The following IPO7 variants were observed in gnomAD, a reference collection of about 807,000 sequenced individuals.
IPO7 encodes the protein importin-7.
IPO7 carries 13 observed loss-of-function variants against 136.4 expected under a neutral mutation model. The observed-to-expected ratio is 0.10, with a 90% CI of 0.06 to 0.15. IPO7 has a LOEUF of 0.15. Among genes scored for constraint, IPO7 ranks in the 10% least tolerant of loss-of-function variants. The probability of loss-of-function intolerance (pLI) is 1.00; values close to 1 mark genes in which losing one functional copy is unlikely to be tolerated. For missense variants in IPO7, 857 were observed against 1,240.6 expected (o/e 0.69, Z 4.65); for synonymous variants, 403 against 404.4 (o/e 1.00, Z 0.04).
chr11:9,392,445 G>A (rs1273404999), intron 1 of IPO7: 1 of 183,172 alleles, frequency 5.5e-6, no homozygotes, highest in Non-Finnish European at 1.2e-5. Context: ...TGGGATTACA[G>A]GTGTGAGCCA....
chr11:9,397,341 A>AAAAAAAATATATATATATATAT, intron 1 of IPO7, among the ~76,000 whole-genome samples: 5 of 10,762 alleles, frequency 4.6e-4, no homozygotes, highest in Non-Finnish European at 5.5e-4. Flanking sequence ...TTTAAAAAAA[A>AAAAAAAATATATATATATATAT]ATATATATAT....
chr11:9,399,323 G>A (rs1304012863), intron 1 of IPO7, among the ~76,000 whole-genome samples: 2 of 151,926 alleles, frequency 1.3e-5, no homozygotes, highest in Non-Finnish European at 2.9e-5. Flanking sequence ...CCACCACCCC[G>A]GCTAATTTTG....
At chr11:9,390,258 C>G (rs1226753099) in intron 1 of IPO7, among the ~76,000 whole-genome samples, 1 of 150,542 alleles carries the variant, frequency 6.6e-6, no homozygotes, top group East Asian at 1.9e-4. Context: ...AGTGATCTTG[C>G]TTTTGGTAAG....
intron 9 of IPO7, 37 bp downstream of exon 9, chr11:9,423,177 A>T (rs762714733): frequency 7.3e-7 from 1 of 1,374,972 alleles, no homozygotes; most frequent in Admixed American, 2.1e-5. Context: ...TATAGTAAAT[A>T]TAATAGAAAT....
At chr11:9,424,861 G>C (rs1855181892) in intron 10 of IPO7, 53 bp from the exon 11 acceptor site, 2 of 1,109,872 alleles carry the variant, frequency 1.8e-6, no homozygotes, top group Non-Finnish European at 2.7e-6. Context: ...GTTTTTTAAT[G>C]CTTTGTTGAA....
At chr11:9,421,938 C>T (rs1054612552) in intron 8 of IPO7, among the ~76,000 whole-genome samples, 5 of 150,938 alleles carry the variant, frequency 3.3e-5, no homozygotes, top group Non-Finnish European at 5.9e-5. Flanking sequence ...AGCAAGACTC[C>T]GTCTCAAAAA....
intron 2 of IPO7, among the ~76,000 whole-genome samples, chr11:9,404,862 G>A (rs754338212): frequency 3.9e-5 from 6 of 152,020 alleles, no homozygotes; most frequent in Non-Finnish European, 5.9e-5. Flanking sequence ...CACCGCGCCC[G>A]GCCTTCAGAT....
intron 2 of IPO7, 54 bp downstream of exon 2, chr11:9,403,425 T>C (rs1854830021): frequency 6.6e-6 from 9 of 1,364,212 alleles, no homozygotes; most frequent in Non-Finnish European, 9.3e-6. Flanking sequence ...AAAAGGTTCA[T>C]AATCGAATAG....
intron 1 of IPO7, among the ~76,000 whole-genome samples, chr11:9,395,231 A>T (rs1045840804): frequency 1.3e-5 from 2 of 151,962 alleles, no homozygotes; most frequent in Non-Finnish European, 2.9e-5. Flanking sequence ...AATTAAGCTT[A>T]TTTTATTTTT....
intron 23 of IPO7, among the ~76,000 whole-genome samples, chr11:9,441,035 C>G (rs1311205755): frequency 1.3e-5 from 2 of 152,142 alleles, no homozygotes; most frequent in African/African-American, 2.4e-5. Flanking sequence ...CTGCCCAAAC[C>G]TATACTTAAC....
intron 1 of IPO7, among the ~76,000 whole-genome samples, chr11:9,394,952 T>G (rs1854688088): frequency 6.6e-6 from 1 of 152,206 alleles, no homozygotes; most frequent in Non-Finnish European, 1.5e-5. Context: ...ACTAGAGTAT[T>G]AGGAGTTTTA....
intron 16 of IPO7, among the ~76,000 whole-genome samples, 198 bp downstream of exon 16, chr11:9,431,201 C>A (rs1234799438): frequency 6.6e-6 from 1 of 152,074 alleles, no homozygotes; most frequent in Admixed American, 6.5e-5. Context: ...CATCTTAGGG[C>A]TCAGGATTTT....
intron 5 of IPO7, chr11:9,414,718 C>T (rs991984677): frequency 2.0e-4 from 32 of 156,282 alleles, no homozygotes; most frequent in Non-Finnish European, 2.9e-4. Flanking sequence ...CTCTGCCTCC[C>T]GGTTTCAAGC....
At chr11:9,439,255 A>G (rs910408681) in intron 22 of IPO7, among the ~76,000 whole-genome samples, 3 of 152,082 alleles carry the variant, frequency 2.0e-5, no homozygotes, top group Non-Finnish European at 4.4e-5. Flanking sequence ...AGCTGGGATT[A>G]TAGGCACGTG....
intron 4 of IPO7, among the ~76,000 whole-genome samples, chr11:9,412,889 A>ATTTT (rs1163764184): frequency 7.1e-5 from 9 of 126,344 alleles, no homozygotes; most frequent in East Asian, 2.2e-4. Flanking sequence ...TGATTGATTG[A>ATTTT]TTTTTTTTTT....
intron 4 of IPO7, among the ~76,000 whole-genome samples, chr11:9,411,481 G>A (rs1854967402): frequency 6.6e-6 from 1 of 152,188 alleles, no homozygotes; most frequent in South Asian, 2.1e-4. Context: ...GTGAGATGCT[G>A]TCTTTAGTGG....
rs558034472 is a variant in IPO7 at position 9,414,686 on chromosome 11, C to T, written c.636+275C>T. The T allele has an allele frequency of 2.3e-3, 340 of 146,002 alleles. 1 individual carries two copies. Among genetic ancestry groups the T allele is most frequent in the Middle Eastern group, 7.7e-3 (2 of 260 alleles). 9.0% of individuals were successfully genotyped at this position (146,002 alleles called of 1,614,324 possible). A position where few individuals can be genotyped will look rare whatever the true frequency, so the allele number is the denominator to read the frequency against. ...CTGTCGCCCAGCTGGAGTGCAGTGGCGTGATCTCGGCTCACTGCAACCTCT... is the reference window on the plus strand; with the variant it reads ...CTGTCGCCCAGCTGGAGTGCAGTGGTGTGATCTCGGCTCACTGCAACCTCT... On this transcript the variant is annotated intron_variant, in intron 5 of 24. Coordinates refer to ENST00000379719, the MANE Select transcript of IPO7 (RefSeq NM_006391.3).
intron 4 of IPO7, among the ~76,000 whole-genome samples, chr11:9,412,107 T>C (rs573675421): frequency 2.6e-5 from 4 of 152,366 alleles, no homozygotes; most frequent in Non-Finnish European, 1.5e-5. Flanking sequence ...AGATAACCTT[T>C]TAAAATGTAT....
At chr11:9,426,914 C>A (rs994092447) in intron 12 of IPO7, among the ~76,000 whole-genome samples, 1 of 151,458 alleles carries the variant, frequency 6.6e-6, no homozygotes, top group African/African-American at 2.4e-5. Flanking sequence ...TCCCCGCCCC[C>A]CCGCCATATG....
Sources: gnomAD v4.1 joint callset for allele counts (sites outside exome capture counted in the v4.1 genomes callset) on GRCh38, gnomAD v4.1.1 for gene constraint, MANE v1.5 for transcripts, NCBI Gene and HGNC (gene_info 2026-07-23, HGNC 2026-07-21) for gene names.